Variants in CCDC3 observed in about 807,000 individuals in gnomAD.
The protein encoded by CCDC3 is coiled-coil domain-containing protein 3.
A neutral mutation model predicts 21.4 loss-of-function variants in CCDC3; 24 were observed. The ratio of observed to expected loss-of-function variants is 1.12; its 90% CI spans 0.81 to 1.58. The LOEUF is 1.58. CCDC3 is among the 40% of genes most tolerant of loss of function. The pLI is 0.00. For missense variants in CCDC3, 425 were observed against 360.9 expected (o/e 1.18, Z -1.44); for synonymous variants, 186 against 166.0 (o/e 1.12, Z -0.93).
chr10:13,053,240 A>C (rs767902448), intron 4 of CCDC3, among the ~76,000 whole-genome samples: 2 of 152,188 alleles, frequency 1.3e-5, no homozygotes, highest in Non-Finnish European at 2.9e-5. Flanking sequence ...AATTAGGAAG[A>C]TGAAAATATG....
rs1834013785 is a variant in CCDC3, at chr10:12,897,139, T to C, written c.*1277A>G. On this transcript the variant is annotated 3_prime_UTR_variant, in exon 3 of 3. Transcript: ENST00000378825. ...AGATCCTGATGAGAGGCCAGGAGCC[T>C]TTACTGGTGGAAGAGCAGGGAAGGG... The C allele has an allele frequency of 6.6e-6, 1 of 152,428 alleles. No homozygotes were observed. The highest frequency in any genetic ancestry group is 1.5e-5 in the Non-Finnish European group (1 of 68,310). 9.4% of individuals were successfully genotyped at this position (152,428 alleles called of 1,614,324 possible).
chr10:13,024,599 A>G (rs764768376), intron 5 of CCDC3, among the ~76,000 whole-genome samples: 6 of 152,194 alleles, frequency 3.9e-5, no homozygotes, highest in Non-Finnish European at 8.8e-5. Flanking sequence ...ATGAAAAACA[A>G]TTGTGTTATC....
chr10:13,020,244 T>C (rs1836127330), intron 5 of CCDC3, among the ~76,000 whole-genome samples: 1 of 152,236 alleles, frequency 6.6e-6, no homozygotes, highest in African/African-American at 2.4e-5. Context: ...AGGATTCATT[T>C]GTTTCACACA....
At chr10:12,899,395 T>A (rs889496456) in intron 2 of CCDC3, among the ~76,000 whole-genome samples, 2 of 152,178 alleles carry the variant, frequency 1.3e-5, no homozygotes. Flanking sequence ...TTGACATCTA[T>A]AAAGACCAAT....
intron 2 of CCDC3, among the ~76,000 whole-genome samples, chr10:12,962,128 C>A (rs1205597831): frequency 1.3e-5 from 2 of 152,222 alleles, no homozygotes; most frequent in African/African-American, 4.8e-5. Flanking sequence ...TCCCAAATTT[C>A]TCCAGGCCTT....
chr10:13,079,299 G>A (rs1317579426), intron 3 of CCDC3, among the ~76,000 whole-genome samples: 5 of 151,876 alleles, frequency 3.3e-5, no homozygotes, highest in African/African-American at 9.7e-5. Flanking sequence ...GTAAGGAATC[G>A]AGACCCACCT....
chr10:13,081,872 T>G (rs1466200105), intron 3 of CCDC3, among the ~76,000 whole-genome samples: 1 of 152,244 alleles, frequency 6.6e-6, no homozygotes, highest in Non-Finnish European at 1.5e-5. Context: ...GTTGTCCCCT[T>G]TCCACTCAGA....
intron 4 of CCDC3, among the ~76,000 whole-genome samples, chr10:13,072,571 G>C (rs1219407018): frequency 6.6e-6 from 1 of 152,188 alleles, no homozygotes; most frequent in Admixed American, 6.5e-5. Context: ...TGGAGCCACA[G>C]GCAGGGGGAG....
chr10:13,086,513 G>A (rs1050902476), intron 3 of CCDC3, among the ~76,000 whole-genome samples: 6 of 152,154 alleles, frequency 3.9e-5, no homozygotes, highest in African/African-American at 1.4e-4. Context: ...CTGAAGTGCA[G>A]TGGCACAATC....
Position 12,938,750 on chromosome 10 carries a change from C to CCCTCTTT in CCDC3, c.550-40078_550-40072dup. 2.0e-5 allele frequency among the ~76,000 whole-genome samples: 3 copies of CCCTCTTT among 152,296 alleles called. 1 individual carries two copies. In the East Asian group the frequency reaches 5.8e-4, roughly 29 times the overall value. On this transcript the variant is annotated intron_variant, in intron 2 of 2. Transcript: ENST00000378825. ...TCTTTGGTTCCTTGAACTCCTCCCA[C>CCCTCTTT]CCTCTTTTTCCCTCCAAAAGTAACT...
chr10:12,997,003 G>T (rs573696615), intron 2 of CCDC3, among the ~76,000 whole-genome samples: 115 of 152,070 alleles, frequency 7.6e-4, no homozygotes, highest in Non-Finnish European at 1.5e-3. Flanking sequence ...GAAACGATTG[G>T]TATACCAAAC....
intron 2 of CCDC3, among the ~76,000 whole-genome samples, chr10:12,975,312 TC>T (rs1835399613): frequency 6.6e-6 from 1 of 151,942 alleles, no homozygotes; most frequent in African/African-American, 2.4e-5. Context: ...CCCACTGCCC[TC>T]CCATGGAAAC....
intron 3 of CCDC3, among the ~76,000 whole-genome samples, chr10:13,086,059 T>G (rs1208089170): frequency 2.0e-5 from 3 of 151,836 alleles, no homozygotes; most frequent in African/African-American, 4.8e-5. Context: ...AAAGTGGTCA[T>G]AAAGGGAAAA....
At chr10:12,974,995 C>G (rs573354642) in intron 2 of CCDC3, among the ~76,000 whole-genome samples, 1 of 152,172 alleles carries the variant, frequency 6.6e-6, no homozygotes. Flanking sequence ...TCACATGTCA[C>G]GTGACAAATA....
intron 5 of CCDC3, among the ~76,000 whole-genome samples, chr10:13,038,293 C>T (rs894717513): frequency 1.4e-4 from 21 of 148,966 alleles, no homozygotes; most frequent in Non-Finnish European, 3.0e-4. Context: ...ATGATCTGTG[C>T]AGCAAACCAC....
intron 4 of CCDC3, among the ~76,000 whole-genome samples, chr10:13,060,440 G>C (rs989338268): frequency 2.0e-5 from 3 of 152,186 alleles, no homozygotes; most frequent in African/African-American, 4.8e-5. Flanking sequence ...GAAGTCATCA[G>C]AGAGGTGGGA....
At chr10:12,947,150 T>TG (rs1344004395) in intron 2 of CCDC3, among the ~76,000 whole-genome samples, 5 of 151,816 alleles carry the variant, frequency 3.3e-5, no homozygotes, top group African/African-American at 1.2e-4. Flanking sequence ...TCACTTTTTT[T>TG]TTTTTTTGTT....
At chr10:12,966,395 TG>T (rs1310874406) in intron 2 of CCDC3, among the ~76,000 whole-genome samples, 1 of 152,084 alleles carries the variant, frequency 6.6e-6, no homozygotes, top group African/African-American at 2.4e-5. Context: ...TTTTGTGTAA[TG>T]AGTCTTGCAT....
At chr10:12,933,089 T>TTGGTTCATGAGA (rs1174149922) in intron 2 of CCDC3, among the ~76,000 whole-genome samples, 5 of 152,226 alleles carry the variant, frequency 3.3e-5, no homozygotes, top group African/African-American at 9.7e-5. Context: ...TTTTTTCATC[T>TTGGTTCATGAGA]TGGTTCATGA....
Sources: gnomAD v4.1 joint callset for allele counts (sites outside exome capture counted in the v4.1 genomes callset) on GRCh38, gnomAD v4.1.1 for gene constraint, MANE v1.5 for transcripts, NCBI Gene and HGNC (gene_info 2026-07-23, HGNC 2026-07-21) for gene names.